The following SPOCK3 variants were observed in gnomAD, a reference collection of about 807,000 sequenced individuals.
SPOCK3 encodes the protein SPARC (osteonectin), cwcv and kazal like domains proteoglycan 3.
In SPOCK3, 30 loss-of-function variants were observed where a neutral mutation model predicts 56.6. The observed-to-expected ratio is 0.53, with a 90% CI of 0.40 to 0.72. The LOEUF (loss-of-function observed/expected upper bound fraction) is 0.72. Among genes scored for constraint, SPOCK3 ranks in the 30% least tolerant of loss-of-function variants. SPOCK3 has a pLI of 0.00. For synonymous variants in SPOCK3, 196 were observed against 183.3 expected (o/e 1.07, Z -0.56); for missense variants, 527 against 530.0 (o/e 0.99, Z 0.06).
intron 2 of SPOCK3, among the ~76,000 whole-genome samples, chr4:167,146,638 G>A (rs976101342): frequency 6.6e-6 from 1 of 152,072 alleles, no homozygotes; most frequent in Non-Finnish European, 1.5e-5. Flanking sequence ...AATCAAATTA[G>A]AACTCAGGAT....
intron 2 of SPOCK3, among the ~76,000 whole-genome samples, chr4:167,162,553 T>C (rs1022237087): frequency 3.9e-4 from 60 of 152,074 alleles, no homozygotes; most frequent in African/African-American, 1.4e-3. Flanking sequence ...GCACAGAATA[T>C]AGACAATGCC....
chr4:167,205,943 TTTTTA>T (rs1358279774), intron 2 of SPOCK3, among the ~76,000 whole-genome samples: 2 of 151,964 alleles, frequency 1.3e-5, no homozygotes, highest in African/African-American at 4.8e-5. Context: ...ACTGCTTAGG[TTTTTA>T]TTTTGAGTTT....
At chr4:167,200,690 C>A (rs1733431144) in intron 2 of SPOCK3, among the ~76,000 whole-genome samples, 2 of 152,036 alleles carry the variant, frequency 1.3e-5, no homozygotes. Context: ...ATCAACAGGG[C>A]TCCCACAAGA....
intron 2 of SPOCK3, among the ~76,000 whole-genome samples, chr4:167,179,552 A>G (rs2110738978): frequency 6.6e-6 from 1 of 152,034 alleles, no homozygotes; most frequent in East Asian, 1.9e-4. Flanking sequence ...TAGATGTTCT[A>G]TTTTCTTTAT....
intron 6 of SPOCK3, among the ~76,000 whole-genome samples, chr4:166,853,076 C>A (rs920715368): frequency 1.3e-5 from 2 of 151,836 alleles, no homozygotes. Flanking sequence ...AAAATAAAGA[C>A]CTAATATCAA....
intron 2 of SPOCK3, among the ~76,000 whole-genome samples, chr4:167,213,331 T>C (rs765647897): frequency 7.9e-4 from 120 of 152,292 alleles, no homozygotes; most frequent in Non-Finnish European, 1.4e-3. Flanking sequence ...CAGAGATAGG[T>C]CACAGTTTAT....
At chr4:166,860,278 A>G (rs1039190222) in intron 6 of SPOCK3, among the ~76,000 whole-genome samples, 1 of 152,118 alleles carries the variant, frequency 6.6e-6, no homozygotes, top group Non-Finnish European at 1.5e-5. Flanking sequence ...CTTTTGTTTG[A>G]TAAGTATCAT....
intron 6 of SPOCK3, among the ~76,000 whole-genome samples, chr4:166,860,226 T>C (rs1352598731): frequency 1.3e-5 from 2 of 152,122 alleles, no homozygotes; most frequent in African/African-American, 4.8e-5. Context: ...CACATTAGCA[T>C]TGATGCCTAT....
intron 6 of SPOCK3, among the ~76,000 whole-genome samples, chr4:166,885,415 C>A (rs987417219): frequency 2.6e-5 from 4 of 151,368 alleles, no homozygotes; most frequent in Non-Finnish European, 5.9e-5. Flanking sequence ...ACTCTTTGCT[C>A]AAGAACATAA....
intron 6 of SPOCK3, 62 bp downstream of exon 6, chr4:166,889,068 T>C: frequency 1.0e-6 from 1 of 998,520 alleles, no homozygotes; most frequent in Non-Finnish European, 1.6e-6. Context: ...ACAACATCTA[T>C]TGCAAAACAT....
chr4:167,200,761 T>A (rs989831275), intron 2 of SPOCK3, among the ~76,000 whole-genome samples: 4 of 152,086 alleles, frequency 2.6e-5, no homozygotes, highest in African/African-American at 7.2e-5. Flanking sequence ...TGTTGAGTTA[T>A]AACACGTCAC....
intron 4 of SPOCK3, among the ~76,000 whole-genome samples, chr4:166,981,275 C>G (rs913042021): frequency 2.6e-5 from 4 of 150,952 alleles, no homozygotes; most frequent in African/African-American, 9.8e-5. Flanking sequence ...TGAGCGTAGC[C>G]CTCAGCAGAG....
At chr4:167,220,436 T>C (rs181822022) in intron 2 of SPOCK3, among the ~76,000 whole-genome samples, 19 of 139,484 alleles carry the variant, frequency 1.4e-4, no homozygotes, top group Non-Finnish European at 1.5e-5. Context: ...TGCAGTGCAG[T>C]GGTGTGATCA....
At position 167,234,167 on chromosome 4, in the gene SPOCK3, T is replaced by C. The variant is rs1380413108; in HGVS notation, c.7A>G (p.Lys3Glu). ...CACACACACAGTACGGCTGACACCT[T>C]GAGCATCTGGGAGAGGAGACACAAC... MLKVSAVLCVCAA... is the reference protein window; with the variant it reads MLEVSAVLCVCAA... The change falls in exon 2 of 11, where the codon AAG becomes GAG. Residue 3 changes from lysine to glutamate, a missense_variant. Lys to Glu is a moderately conservative substitution (Grantham distance 56). Transcript: ENST00000357545. 1.2e-6 allele frequency: 2 copies of C among 1,612,566 alleles called. No homozygotes were observed. The highest frequency in any genetic ancestry group is 4.5e-5 in the East Asian group (2 of 44,780).
At chr4:166,816,861 G>T (rs1257700075) in intron 6 of SPOCK3, among the ~76,000 whole-genome samples, 1 of 152,010 alleles carries the variant, frequency 6.6e-6, no homozygotes, top group Non-Finnish European at 1.5e-5. Context: ...ACTTAGCCCA[G>T]AGGTCGAGGG....
intron 2 of SPOCK3, among the ~76,000 whole-genome samples, chr4:167,081,188 C>A (rs9990922): frequency 0.016 from 2,416 of 152,022 alleles, 69 homozygotes; most frequent in African/African-American, 0.055. Context: ...AGCTCAACAA[C>A]TAACTGGTGA....
At chr4:167,167,809 T>C (rs1393881331) in intron 2 of SPOCK3, among the ~76,000 whole-genome samples, 1 of 152,148 alleles carries the variant, frequency 6.6e-6, no homozygotes, top group African/African-American at 2.4e-5. Flanking sequence ...GGACTGTTCA[T>C]ATCGGTACCT....
intron 3 of SPOCK3, among the ~76,000 whole-genome samples, chr4:167,025,604 C>T (rs1751626029): frequency 6.6e-6 from 1 of 151,970 alleles, no homozygotes; most frequent in Admixed American, 6.6e-5. Context: ...TTACAGACAG[C>T]TTTAGCAACT....
intron 2 of SPOCK3, among the ~76,000 whole-genome samples, chr4:167,225,499 A>G (rs1282365132): frequency 4.6e-5 from 7 of 152,092 alleles, no homozygotes; most frequent in Non-Finnish European, 8.8e-5. Flanking sequence ...TTTACCTTAC[A>G]TATTTGTATA....
Sources: allele counts gnomAD v4.1 joint callset (sites outside exome capture counted in the v4.1 genomes callset), GRCh38; gene constraint gnomAD v4.1.1; transcripts MANE v1.5; gene names NCBI Gene and HGNC (gene_info 2026-07-23, HGNC 2026-07-21).